The following CENPP variants were observed in gnomAD, a reference collection of about 807,000 sequenced individuals.
CENPP encodes the protein centromere protein P.
A neutral mutation model predicts 35.6 loss-of-function variants in CENPP; 24 were observed. The ratio of observed to expected loss-of-function variants is 0.67; its 90% confidence interval spans 0.49 to 0.95. CENPP has a LOEUF of 0.95. Among genes scored for constraint, CENPP ranks in the 40% least tolerant of loss-of-function variants. CENPP has a pLI of 0.00. For missense variants in CENPP, 332 were observed against 345.3 expected, an observed-to-expected ratio of 0.96 and a Z score of 0.31; for synonymous variants, 120 against 125.5, an observed-to-expected ratio of 0.96 and a Z score of 0.29.
intron 5 of CENPP, among the ~76,000 whole-genome samples, chr9:92,472,936 TG>T (rs1177582181): frequency 6.6e-6 from 1 of 152,178 alleles, no homozygotes; most frequent in Non-Finnish European, 1.5e-5. Flanking sequence ...CTGTTAAAAC[TG>T]AAGTTCTGAA....
At chr9:92,452,946 T>C (rs1844756905) in intron 5 of CENPP, among the ~76,000 whole-genome samples, 1 of 152,150 alleles carries the variant, frequency 6.6e-6, no homozygotes, top group African/African-American at 2.4e-5. Flanking sequence ...GGTGGTGATA[T>C]CCCCTTTATC....
At chr9:92,525,718 C>T (rs1848354055) in intron 5 of CENPP, among the ~76,000 whole-genome samples, 1 of 151,874 alleles carries the variant, frequency 6.6e-6, no homozygotes, top group Admixed American at 6.6e-5. Context: ...TGGTGAAACC[C>T]CATCTCTACT....
chr9:92,355,213 G>T (rs1322739004), intron 4 of CENPP, among the ~76,000 whole-genome samples: 3 of 152,078 alleles, frequency 2.0e-5, no homozygotes, highest in Non-Finnish European at 4.4e-5. Context: ...AGGAGACCAG[G>T]GCGTATCTCA....
Position 92,579,332 on chromosome 9 carries a change from G to T in CENPP, c.565-31982G>T, listed in dbSNP as rs1409043503. 3.4e-5 allele frequency among the ~76,000 whole-genome samples: 5 copies of T among 148,346 alleles called. No homozygotes were observed. In the East Asian group the frequency reaches 9.8e-4, roughly 29 times the overall value. The stretch of plus-strand genomic sequence containing the variant: ...CTTTAAAGTAGTTTTTTCCAATTCT[G>T]TGAAGAAAGTCATTGGTAGCTTGAT... On this transcript the variant is annotated intron_variant, in intron 5 of 7. Coordinates refer to ENST00000375587, the MANE Select transcript of CENPP (RefSeq NM_001012267.3).
At chr9:92,443,448 C>G (rs940905338) in intron 5 of CENPP, among the ~76,000 whole-genome samples, 1 of 152,090 alleles carries the variant, frequency 6.6e-6, no homozygotes, top group Admixed American at 6.6e-5. Flanking sequence ...TGAAGAATAG[C>G]TAGCTCGTTA....
At chr9:92,487,320 G>A (rs1846083295) in intron 5 of CENPP, among the ~76,000 whole-genome samples, 1 of 152,148 alleles carries the variant, frequency 6.6e-6, no homozygotes, top group South Asian at 2.1e-4. Context: ...TTCTGAAAAA[G>A]CTTTCTTGTA....
chr9:92,329,836 C>T (rs1399063551), intron 1 of CENPP, among the ~76,000 whole-genome samples: 4 of 152,078 alleles, frequency 2.6e-5, no homozygotes, highest in Non-Finnish European at 5.9e-5. Flanking sequence ...GTCGCTGTGC[C>T]CAATCTGTTC....
chr9:92,463,046 G>A (rs1160334057), intron 5 of CENPP, among the ~76,000 whole-genome samples: 3 of 152,180 alleles, frequency 2.0e-5, no homozygotes, highest in African/African-American at 4.8e-5. Flanking sequence ...AGGATAAAAC[G>A]AGCAGAGGTG....
intron 4 of CENPP, among the ~76,000 whole-genome samples, chr9:92,361,586 T>G (rs1841753304): frequency 6.6e-6 from 1 of 151,804 alleles, no homozygotes; most frequent in Non-Finnish European, 1.5e-5. Context: ...TTCAAGTGAT[T>G]CTCCTGCCTC....
intron 5 of CENPP, among the ~76,000 whole-genome samples, chr9:92,572,991 C>G (rs1225600078): frequency 6.6e-6 from 1 of 152,130 alleles, no homozygotes; most frequent in Non-Finnish European, 1.5e-5. Flanking sequence ...AGCCATTCGT[C>G]TAATCTTTTT....
intron 5 of CENPP, among the ~76,000 whole-genome samples, chr9:92,444,093 A>G (rs996060391): frequency 2.3e-4 from 35 of 152,224 alleles, no homozygotes; most frequent in African/African-American, 8.0e-4. Flanking sequence ...AGTGGGGATA[A>G]GATCTTTTCA....
intron 5 of CENPP, chr9:92,403,538 T>C: frequency 7.1e-7 from 1 of 1,403,742 alleles, no homozygotes; most frequent in Non-Finnish European, 9.3e-7. Context: ...GAGGATGTTT[T>C]GGCAGGGTGT....
chr9:92,529,525 A>T (rs573280601), intron 5 of CENPP, among the ~76,000 whole-genome samples: 1 of 152,344 alleles, frequency 6.6e-6, no homozygotes, highest in African/African-American at 2.4e-5. Context: ...TAGGAGCTTT[A>T]TTCATAATTG....
At chr9:92,451,315 G>A (rs1007798260) in intron 5 of CENPP, among the ~76,000 whole-genome samples, 3 of 147,322 alleles carry the variant, frequency 2.0e-5, no homozygotes, top group African/African-American at 7.9e-5. Context: ...TTCTGCATAT[G>A]GCTAGCCAGT....
intron 5 of CENPP, among the ~76,000 whole-genome samples, chr9:92,493,337 G>A (rs1378974204): frequency 6.6e-6 from 1 of 152,162 alleles, no homozygotes; most frequent in African/African-American, 2.4e-5. Context: ...GAATCCCAAA[G>A]AAGTAAAATG....
intron 5 of CENPP, among the ~76,000 whole-genome samples, chr9:92,485,835 A>G (rs1455020622): frequency 6.6e-6 from 1 of 152,154 alleles, no homozygotes; most frequent in Admixed American, 6.5e-5. Context: ...CACAGCCCAA[A>G]TGAAAAGGTT....
intron 5 of CENPP, chr9:92,416,989 C>G (rs1180707009): frequency 6.2e-7 from 1 of 1,613,928 alleles, no homozygotes; most frequent in Non-Finnish European, 8.5e-7. Flanking sequence ...AGAGATCAAG[C>G]ATGGTCAAGT....
At chr9:92,502,428 T>C (rs1462404408) in intron 5 of CENPP, 3 of 1,506,138 alleles carry the variant, frequency 2.0e-6, no homozygotes, top group Non-Finnish European at 2.7e-6. Flanking sequence ...CCCTCACTTA[T>C]CCCATTCCCA....
Position 92,466,898 on chromosome 9 carries a change from ATAT to A in CENPP, c.564+87043_564+87045del, listed in dbSNP as rs1443798519. On this transcript the variant is annotated intron_variant, in intron 5 of 7. Coordinates refer to ENST00000375587, the MANE Select transcript of CENPP (RefSeq NM_001012267.3). The stretch of plus-strand genomic sequence containing the variant: ...TTTCCCTTCAGGGAAGTGACCAGTG[ATAT>A]TATCTTTATCTTATCTTAAAATCTA... 5.3e-5 allele frequency among the ~76,000 whole-genome samples: 8 copies of A among 152,270 alleles called. No homozygotes were observed. The South Asian group carries it at 6.2e-4, about 12-fold the overall frequency.
Sources: gnomAD v4.1 joint callset for allele counts (sites outside exome capture counted in the v4.1 genomes callset) on GRCh38, gnomAD v4.1.1 for gene constraint, MANE v1.5 for transcripts, NCBI Gene and HGNC (gene_info 2026-07-23, HGNC 2026-07-21) for gene names.